The following PRPF8 variants were observed in gnomAD, a reference collection of about 807,000 sequenced individuals.
The protein encoded by PRPF8 is pre-mRNA processing factor 8, also known as pre-mRNA-processing-splicing factor 8.
PRPF8 carries 64 observed loss-of-function variants against 285.9 expected under a neutral mutation model. The ratio of observed to expected loss-of-function variants is 0.22; its 90% CI spans 0.18 to 0.28. The LOEUF (loss-of-function observed/expected upper bound fraction) is 0.28. PRPF8 is among the 10% of genes least tolerant of loss of function. The probability of loss-of-function intolerance (pLI) is 1.00; values close to 1 mark genes in which losing one functional copy is unlikely to be tolerated. For synonymous variants in PRPF8, 1,325 were observed against 1,118.2 expected (o/e 1.18, Z -3.69); for missense variants, 1,426 against 3,026.7 (o/e 0.47, Z 12.41).
At chr17:1,672,214 G>T (rs549341124) in intron 24 of PRPF8, among the ~76,000 whole-genome samples, 1 of 152,108 alleles carries the variant, frequency 6.6e-6, no homozygotes, top group Non-Finnish European at 1.5e-5. Flanking sequence ...TATGAAGGTC[G>T]GAATGCAAGA....
Position 1,678,869 on chromosome 17 carries a change from A to C in PRPF8, c.1612T>G (p.Ser538Ala), listed in dbSNP as rs1453696856. The change falls in exon 12 of 43, where the codon TCT becomes GCT. Residue 538 changes from serine (S) to alanine (A), a missense_variant. Around this residue, in one of 34 missense-constraint regions of PRPF8, gnomAD observed 10 missense variants for 79.9 expected, o/e 0.13. Transcript: ENST00000304992. ...AGGTGGAAAGCATTCCCAAAACGAG[A>C]TTTCTTTCTTTCCTGGAGAAGATGC... is the stretch of plus-strand genomic sequence containing the variant. ...KTLTTKERKK[S>A]RFGNAFHLCR... 6.2e-7 allele frequency: 1 copy of C among 1,613,994 alleles called. No homozygotes were observed. The highest frequency in any genetic ancestry group is 1.3e-5 in the African/African-American group (1 of 74,908).
intron 13 of PRPF8, 81 bp downstream of exon 13, chr17:1,678,437 C>T (rs1309855188): frequency 7.6e-6 from 12 of 1,573,248 alleles, no homozygotes; most frequent in East Asian, 6.7e-5. Context: ...GAGCCAAGAT[C>T]GTGCCATTGC....
intron 34 of PRPF8, among the ~76,000 whole-genome samples, chr17:1,657,326 T>C (rs2151113589): frequency 6.6e-6 from 1 of 152,032 alleles, no homozygotes; most frequent in Admixed American, 6.5e-5. Context: ...AGAGAAGAGA[T>C]TTGGTCAAAG....
In PRPF8 at chr17:1,653,488, AGGCACAAAATGAGTTG is replaced by A; in HGVS notation, c.6369+38_6369+53del. 3 of 1,610,088 alleles carry A rather than the reference AGGCACAAAATGAGTTG, an allele frequency of 1.9e-6. No homozygotes were observed. The highest frequency in any genetic ancestry group is 1.7e-6 in the Non-Finnish European group (2 of 1,176,336). ...CCAGACAATCTCAGGTCTGAGTTTT[AGGCACAAAATGAGTTG>A]GGCACACACTGTGGCCTAGCTGAGT... On this transcript the variant is annotated intron_variant, in intron 39 of 42. Transcript: ENST00000304992. The surrounding 1 kb of genome is among the most constrained non-coding windows in gnomAD (Gnocchi z 4.9).
Position 1,667,914 on chromosome 17 carries a change from G to A in PRPF8, c.3774+5167C>T, listed in dbSNP as rs139873512. Reference sequence around the variant, plus strand: ...GCTGGTCTCAAATTCCTGGGCTCAAGCAGTCCTCCCACCTCGGCTTCCAAA... The same window carrying A: ...GCTGGTCTCAAATTCCTGGGCTCAAACAGTCCTCCCACCTCGGCTTCCAAA... On this transcript the variant is annotated intron_variant, in intron 24 of 42. Transcript: ENST00000304992. Among the ~76,000 whole-genome samples the A allele has an allele frequency of 2.0e-3, 298 of 152,294 alleles. 4 individuals carry two copies. Among genetic ancestry groups the A allele is most frequent in the African/African-American group, 6.2e-3 (258 of 41,558 alleles).
chr17:1,669,682 C>T (rs537860766), intron 24 of PRPF8, among the ~76,000 whole-genome samples: 1 of 152,314 alleles, frequency 6.6e-6, no homozygotes, highest in East Asian at 1.9e-4. Context: ...CTGTCAAATC[C>T]AATGGATACT....
chr17:1,683,909 G>A (rs986465775), intron 2 of PRPF8, among the ~76,000 whole-genome samples: 3 of 147,548 alleles, frequency 2.0e-5, no homozygotes, highest in African/African-American at 7.6e-5. Flanking sequence ...TTTTTTGAGA[G>A]GTTGTTTCAC....
At chr17:1,665,159 CAAAA>C (rs562789942) in intron 24 of PRPF8, among the ~76,000 whole-genome samples, 3 of 53,506 alleles carry the variant, frequency 5.6e-5, no homozygotes, top group South Asian at 7.1e-4. Flanking sequence ...GACTCTGCCT[CAAAA>C]AAAAAAAAAA....
intron 24 of PRPF8, among the ~76,000 whole-genome samples, chr17:1,663,824 T>A (rs1057264625): frequency 1.1e-4 from 16 of 148,470 alleles, no homozygotes; most frequent in African/African-American, 3.7e-4. Context: ...AATACACCCA[T>A]GCAAACACAA....
intron 1 of PRPF8, 87 bp from the exon 2 acceptor site, chr17:1,684,669 C>T (rs1913144560): frequency 2.4e-6 from 3 of 1,255,888 alleles, no homozygotes; most frequent in South Asian, 2.5e-5. Context: ...GGACCCCGGC[C>T]TGCAGTCCCG....
At chr17:1,666,894 G>T (rs1394883833) in intron 24 of PRPF8, among the ~76,000 whole-genome samples, 1 of 152,164 alleles carries the variant, frequency 6.6e-6, no homozygotes, top group African/African-American at 2.4e-5. Flanking sequence ...AAGGAGGGGG[G>T]CCGGGTGCGG....
In PRPF8 at chr17:1,673,299, G is replaced by T; in HGVS notation, c.3657+58C>A. 1 of 1,608,020 alleles carries T rather than the reference G, an allele frequency of 6.2e-7. No homozygotes were observed. The highest frequency in any genetic ancestry group is 8.5e-7 in the Non-Finnish European group (1 of 1,175,228). Reference sequence around the variant, plus strand: ...TCTTTCCACCCAACAAGACTCCGGTGACTGACCCAGGAAGTGCAGGCGCGT... The same window carrying T: ...TCTTTCCACCCAACAAGACTCCGGTTACTGACCCAGGAAGTGCAGGCGCGT... On this transcript the variant is annotated intron_variant, in intron 23 of 42. Coordinates refer to ENST00000304992, the MANE Select transcript of PRPF8 (RefSeq NM_006445.4). The surrounding 1 kb of genome is among the most constrained non-coding windows in gnomAD (Gnocchi z 5.5).
At position 1,675,729 on chromosome 17, in the gene PRPF8, G is replaced by A; in HGVS notation, c.2763C>T (p.Tyr921=). The A allele has an allele frequency of 6.2e-7, 1 of 1,614,158 alleles. No homozygotes were observed. The highest frequency in any genetic ancestry group is 1.1e-5 in the South Asian group (1 of 91,086). ...VEPLEKITDA[Y]LDQYLWYEAD... ...CTTCATACCACAGGTACTGGTCCAGGTAAGCATCAGTTATCTTCTCCAGGG... is the reference window on the plus strand; with the variant it reads ...CTTCATACCACAGGTACTGGTCCAGATAAGCATCAGTTATCTTCTCCAGGG... Residue 921 remains tyrosine (Y), a synonymous_variant, in exon 19 of 43, where the codon TAC becomes TAT. Coordinates refer to ENST00000304992, the MANE Select transcript of PRPF8 (RefSeq NM_006445.4). The surrounding 1 kb of genome is among the most constrained non-coding windows in gnomAD (Gnocchi z 6.0).
chr17:1,656,087 A>G (rs1249076520), intron 36 of PRPF8, among the ~76,000 whole-genome samples: 1 of 151,414 alleles, frequency 6.6e-6, no homozygotes, highest in African/African-American at 2.4e-5. Flanking sequence ...CACTCGGCTA[A>G]TTTTGTTGTA....
In PRPF8 at chr17:1,676,779, G is replaced by T; in HGVS notation, c.2182-68C>A. The stretch of plus-strand genomic sequence containing the variant: ...CACTGTGGCACACATCTGTAGTCCC[G>T]GCTACTCAGGAGGCTAAGGAGGATC... On this transcript the variant is annotated intron_variant, in intron 15 of 42. Coordinates refer to ENST00000304992, the MANE Select transcript of PRPF8 (RefSeq NM_006445.4). The surrounding 1 kb of genome is among the most constrained non-coding windows in gnomAD (Gnocchi z 6.3). 6.4e-7 allele frequency: 1 copy of T among 1,567,668 alleles called. No homozygotes were observed. Among genetic ancestry groups the T allele is most frequent in the Non-Finnish European group, 8.7e-7 (1 of 1,143,582 alleles).
At position 1,679,334 on chromosome 17, in the gene PRPF8, G is replaced by A. The variant is rs1912778091; in HGVS notation, c.1366C>T (p.Leu456=). ...GGGGGCCGATGCTTCAGGGCATTCAGCACATAGTACTTAAGCAGCTTCTGG... is the reference window on the plus strand; with the variant it reads ...GGGGGCCGATGCTTCAGGGCATTCAACACATAGTACTTAAGCAGCTTCTGG... ...SYQKLLKYYV[L]NALKHRPPKA... Residue 456 remains leucine (L), a synonymous_variant, in exon 10 of 43, where the codon CTG becomes TTG. Coordinates refer to ENST00000304992, the MANE Select transcript of PRPF8 (RefSeq NM_006445.4). This position sits in a 1 kb window ranked among gnomAD's most constrained non-coding sequence, Gnocchi z 4.7. 5 of 1,614,132 alleles carry A rather than the reference G, an allele frequency of 3.1e-6. No homozygotes were observed. The highest frequency in any genetic ancestry group is 1.3e-5 in the African/African-American group (1 of 75,022).
intron 30 of PRPF8, 31 bp from the exon 31 acceptor site, chr17:1,660,032 G>T: frequency 6.2e-7 from 1 of 1,608,836 alleles, no homozygotes; most frequent in South Asian, 1.1e-5. Flanking sequence ...ATTAAGACTT[G>T]TTAAGGAAGC....
chr17:1,653,157 C>A lies in PRPF8; in HGVS notation c.6369+385G>T. 1 of 372,352 alleles carries A rather than the reference C, an allele frequency of 2.7e-6. No homozygotes were observed. The highest frequency in any genetic ancestry group is 5.2e-6 in the Non-Finnish European group (1 of 193,638). 23.1% of individuals were successfully genotyped at this position (372,352 alleles called of 1,614,324 possible). A position where few individuals can be genotyped will look rare whatever the true frequency, so the allele number is the denominator to read the frequency against. Reference sequence around the variant, plus strand: ...GTTTCACCATATTGGTCAGGCTGGTCTCAAACCCCTGACCTCAGGTGATCC... The same window carrying A: ...GTTTCACCATATTGGTCAGGCTGGTATCAAACCCCTGACCTCAGGTGATCC... On this transcript the variant is annotated intron_variant, in intron 39 of 42. Transcript: ENST00000304992. The surrounding 1 kb of genome is among the most constrained non-coding windows in gnomAD (Gnocchi z 4.9).
chr17:1,683,705 GA>G lies in PRPF8; in HGVS notation c.101-5del. 2 of 1,613,798 alleles carry G rather than the reference GA, an allele frequency of 1.2e-6. No homozygotes were observed. The highest frequency in any genetic ancestry group is 1.7e-6 in the Non-Finnish European group (2 of 1,180,010). ...TGCAATTGCTGCCATTTTCGAGCTG[GA>G]AAGGCACCTCAGTTTAAAGGCCTGC... On this transcript the variant is annotated splice_region_variant and splice_polypyrimidine_tract_variant and intron_variant, in intron 2 of 42. Transcript: ENST00000304992.
Sources: allele counts gnomAD v4.1 joint callset (sites outside exome capture counted in the v4.1 genomes callset), GRCh38; gene constraint gnomAD v4.1.1; regional missense constraint gnomAD v4.1.1; non-coding constraint Gnocchi (gnomAD v3.1); transcripts MANE v1.5; gene names NCBI Gene and HGNC (gene_info 2026-07-23, HGNC 2026-07-21).